The following IL1RAPL1 variants were observed in gnomAD, a reference collection of about 807,000 sequenced individuals.
IL1RAPL1 encodes the protein interleukin 1 receptor accessory protein like 1.
Under a neutral mutation model 48.4 loss-of-function variants are expected in IL1RAPL1, and 3 were observed. That is an observed-to-expected ratio of 0.06 (90% CI 0.03 to 0.16). The LOEUF (loss-of-function observed/expected upper bound fraction) is 0.16, where lower values mean the gene tolerates loss of function less well. IL1RAPL1 is among the 10% of genes least tolerant of loss of function. The pLI is 1.00. For missense variants in IL1RAPL1, 349 were observed against 530.6 expected, an observed-to-expected ratio of 0.66 and a Z score of 3.36; for synonymous variants, 185 against 187.7, an observed-to-expected ratio of 0.99 and a Z score of 0.12.
chrX:29,939,718 G>A (rs1252504325), intron 8 of IL1RAPL1, among the ~76,000 whole-genome samples: 2 of 111,580 alleles, frequency 1.8e-5, no homozygotes, highest in East Asian at 2.8e-4. Context: ...CAGTTCAATC[G>A]TTTTAAATAA....
intron 2 of IL1RAPL1, among the ~76,000 whole-genome samples, chrX:29,081,953 G>A (rs1420587725): frequency 9.0e-6 from 1 of 110,532 alleles, no homozygotes; most frequent in African/African-American, 3.3e-5. Flanking sequence ...CCAAAGTGCA[G>A]ACTGCCTGTT....
At chrX:28,980,098 A>G (rs1339587169) in intron 2 of IL1RAPL1, among the ~76,000 whole-genome samples, 1 of 112,478 alleles carries the variant, frequency 8.9e-6, no homozygotes, top group Non-Finnish European at 1.9e-5. Context: ...TATCTACATC[A>G]ATCACCAAAC....
intron 6 of IL1RAPL1, among the ~76,000 whole-genome samples, chrX:29,799,814 G>A (rs1403258936): frequency 2.7e-5 from 3 of 111,589 alleles, no homozygotes; most frequent in Admixed American, 9.5e-5. Context: ...GTTCCCTGGG[G>A]CATTACAGGA....
chrX:29,735,118 A>G (rs1431949153), intron 6 of IL1RAPL1, among the ~76,000 whole-genome samples: 1 of 112,026 alleles, frequency 8.9e-6, no homozygotes, highest in East Asian at 2.8e-4. Flanking sequence ...AAATCAAGGT[A>G]TTGGCAGGGC....
intron 6 of IL1RAPL1, among the ~76,000 whole-genome samples, chrX:29,770,950 A>G (rs953812578): frequency 2.2e-4 from 25 of 112,162 alleles, no homozygotes; most frequent in African/African-American, 7.8e-4. Flanking sequence ...TGAGTGCCCT[A>G]TGGAAGTGTT....
intron 6 of IL1RAPL1, among the ~76,000 whole-genome samples, chrX:29,802,993 ATATG>A (rs1930030390): frequency 2.1e-5 from 1 of 48,655 alleles, no homozygotes; most frequent in East Asian, 1.0e-3. Context: ...GTGTACATAT[ATATG>A]TATGCATATA....
chrX:29,688,563 C>T (rs1173636284), intron 6 of IL1RAPL1, among the ~76,000 whole-genome samples: 4 of 111,777 alleles, frequency 3.6e-5, no homozygotes, highest in African/African-American at 1.3e-4. Flanking sequence ...AGTTGTAAAA[C>T]ATGGTTATAT....
chrX:28,846,098 C>T lies in IL1RAPL1; in HGVS notation c.82+56673C>T, dbSNP rs907899083. Among the ~76,000 whole-genome samples, 4 of 112,105 alleles carry T rather than the reference C, an allele frequency of 3.6e-5. No homozygotes were observed. In the Admixed American group the frequency reaches 3.8e-4, roughly 11 times the overall value. ...CCTATTCATCTTTCCATCTGCCTAG[C>T]CCCTAGCAAATACTGATATTTTCCT... is the stretch of plus-strand genomic sequence containing the variant. On this transcript the variant is annotated intron_variant, in intron 2 of 10. Transcript: ENST00000378993.
intron 6 of IL1RAPL1, among the ~76,000 whole-genome samples, chrX:29,908,438 C>G (rs1328034664): frequency 9.2e-6 from 1 of 108,699 alleles, no homozygotes; most frequent in Admixed American, 1.0e-4. Context: ...GCTCTTAAGA[C>G]CCACATTCTC....
Position 29,034,898 on chromosome X carries a change from A to G in IL1RAPL1, c.82+245473A>G, listed in dbSNP as rs112845040. ...GAGACAGAGTCTTGCTCTGTCTGCC[A>G]GACTGGAGTGCAGTGGCGGGATCTC... On this transcript the variant is annotated intron_variant, in intron 2 of 10. Coordinates refer to ENST00000378993, the MANE Select transcript of IL1RAPL1 (RefSeq NM_014271.4). 3.7e-3 allele frequency among the ~76,000 whole-genome samples: 395 copies of G among 107,011 alleles called. 4 individuals are homozygous for G. Among genetic ancestry groups the G allele is most frequent in the African/African-American group, 0.013 (379 of 29,192 alleles). 92.9% of individuals were successfully genotyped at this position (107,011 alleles called of 115,157 possible).
At chrX:29,828,805 A>G (rs2033177711) in intron 6 of IL1RAPL1, among the ~76,000 whole-genome samples, 1 of 110,836 alleles carries the variant, frequency 9.0e-6, no homozygotes, top group Admixed American at 9.7e-5. Flanking sequence ...AACACAGATG[A>G]CTTTTATGGA....
chrX:29,694,672 T>C (rs1182218392), intron 6 of IL1RAPL1, among the ~76,000 whole-genome samples: 4 of 111,538 alleles, frequency 3.6e-5, no homozygotes, highest in African/African-American at 1.3e-4. Context: ...TGTGTTCTTA[T>C]AAGGTAGAAG....
At chrX:29,150,502 A>G (rs1929441210) in intron 2 of IL1RAPL1, among the ~76,000 whole-genome samples, 2 of 111,790 alleles carry the variant, frequency 1.8e-5, no homozygotes, top group Admixed American at 1.9e-4. Context: ...AAGGGGAACC[A>G]TGACCCCAAA....
At chrX:29,950,130 C>A (rs1347210409) in intron 9 of IL1RAPL1, among the ~76,000 whole-genome samples, 1 of 111,879 alleles carries the variant, frequency 8.9e-6, no homozygotes, top group Non-Finnish European at 1.9e-5. Flanking sequence ...GAAACAACTC[C>A]ATTATAACTG....
intron 5 of IL1RAPL1, among the ~76,000 whole-genome samples, chrX:29,559,476 G>T (rs1922114283): frequency 1.8e-5 from 2 of 111,833 alleles, no homozygotes. Flanking sequence ...TTATTGGAAG[G>T]TTTACTTTAT....
At chrX:29,605,500 C>T (rs751523106) in intron 5 of IL1RAPL1, among the ~76,000 whole-genome samples, 2 of 110,454 alleles carry the variant, frequency 1.8e-5, no homozygotes, top group East Asian at 5.7e-4. Flanking sequence ...ACACATAGCA[C>T]CTTCAAAGCG....
chrX:29,038,142 G>T (rs912929167), intron 2 of IL1RAPL1, among the ~76,000 whole-genome samples: 1 of 111,690 alleles, frequency 9.0e-6, no homozygotes, highest in East Asian at 2.8e-4. Flanking sequence ...ACTTCATGGC[G>T]CATCAAGTAC....
chrX:29,803,455 GTATATA>G, intron 6 of IL1RAPL1, among the ~76,000 whole-genome samples: 1 of 87,747 alleles, frequency 1.1e-5, no homozygotes, highest in Non-Finnish European at 2.3e-5. Context: ...ATATATGTGT[GTATATA>G]TGTATATATG....
chrX:29,911,643 TACTC>T (rs1932756807), intron 6 of IL1RAPL1, among the ~76,000 whole-genome samples: 1 of 112,449 alleles, frequency 8.9e-6, no homozygotes, highest in African/African-American at 3.2e-5. Context: ...ATCAGAACTT[TACTC>T]ACTCATCAGT....
Sources: gnomAD v4.1 joint callset for allele counts (sites outside exome capture counted in the v4.1 genomes callset) on GRCh38, gnomAD v4.1.1 for gene constraint, MANE v1.5 for transcripts, NCBI Gene and HGNC (gene_info 2026-07-23, HGNC 2026-07-21) for gene names.